The following ZNF383 variants were observed in gnomAD, a reference collection of about 807,000 sequenced individuals.
ZNF383 encodes zinc finger protein 383.
A neutral mutation model predicts 44.2 loss-of-function variants in ZNF383; 32 were observed. The observed-to-expected ratio is 0.72, with a 90% CI of 0.55 to 0.97. The LOEUF (loss-of-function observed/expected upper bound fraction) is 0.97. Among genes scored for constraint, ZNF383 ranks in the 50% least tolerant of loss-of-function variants. The pLI, the probability that ZNF383 is intolerant of heterozygous loss-of-function variation, is 0.00. For missense variants in ZNF383, 487 were observed against 562.5 expected (o/e 0.87, Z 1.36); for synonymous variants, 155 against 186.2 (o/e 0.83, Z 1.36).
chr19:37,246,193 C>T lies in ZNF383; in HGVS notation c.*2529C>T, dbSNP rs1165958053. On this transcript the variant is annotated 3_prime_UTR_variant, in exon 6 of 6. Transcript: ENST00000684119. ...CAATGAATTAATAAATGCAAAGTAC[C>T]TCAAACTGTTATCACATAATACAGG... 6.6e-6 allele frequency: 1 copy of T among 152,194 alleles called. No homozygotes were observed. Among genetic ancestry groups the T allele is most frequent in the African/African-American group, 2.4e-5 (1 of 41,438 alleles). The allele number at this position is 152,194 out of a possible 1,614,324, so 9.4% of individuals were successfully genotyped here. A position where few individuals can be genotyped will look rare whatever the true frequency, so the allele number is the denominator to read the frequency against.
At chr19:37,232,073 G>GT (rs1555782918) in intron 3 of ZNF383, among the ~76,000 whole-genome samples, 23 of 150,538 alleles carry the variant, frequency 1.5e-4, no homozygotes, top group Non-Finnish European at 3.0e-4. Context: ...CCTCAAAAAG[G>GT]TTTTTTTGTT....
intron 5 of ZNF383, among the ~76,000 whole-genome samples, chr19:37,240,333 T>C (rs1974024152): frequency 6.6e-6 from 1 of 152,162 alleles, no homozygotes; most frequent in African/African-American, 2.4e-5. Flanking sequence ...TCATAATACC[T>C]GAACACTTTA....
intron 2 of ZNF383, among the ~76,000 whole-genome samples, chr19:37,225,988 A>G (rs1973148749): frequency 1.4e-5 from 2 of 147,832 alleles, no homozygotes; most frequent in South Asian, 4.3e-4. Context: ...TTTAGTAGAG[A>G]CGGGGTTTCA....
chr19:37,234,095 C>G (rs973201157), intron 3 of ZNF383, among the ~76,000 whole-genome samples: 1 of 152,124 alleles, frequency 6.6e-6, no homozygotes, highest in Non-Finnish European at 1.5e-5. Flanking sequence ...AACTCCTGAC[C>G]TCAGATGATC....
intron 3 of ZNF383, among the ~76,000 whole-genome samples, chr19:37,235,038 T>G (rs1973711870): frequency 6.6e-6 from 1 of 152,116 alleles, no homozygotes; most frequent in Non-Finnish European, 1.5e-5. Flanking sequence ...TTTGAGAGGC[T>G]GAGGCGGGCA....
At chr19:37,228,291 T>G (rs1312664352) in intron 2 of ZNF383, among the ~76,000 whole-genome samples, 2 of 152,144 alleles carry the variant, frequency 1.3e-5, no homozygotes, top group Non-Finnish European at 2.9e-5. Flanking sequence ...TCGTGTCCCT[T>G]TAGTTTTTAT....
intron 2 of ZNF383, chr19:37,227,689 A>T (rs1235517191): frequency 2.0e-5 from 3 of 152,384 alleles, no homozygotes; most frequent in Non-Finnish European, 2.9e-5. Context: ...GCTGTTATTT[A>T]TTGTGTATAA....
intron 3 of ZNF383, among the ~76,000 whole-genome samples, chr19:37,231,223 T>C (rs1180634388): frequency 6.6e-6 from 1 of 152,166 alleles, no homozygotes; most frequent in African/African-American, 2.4e-5. Flanking sequence ...GAAAAATAAT[T>C]ATTAAAGAAT....
In ZNF383 at chr19:37,243,543, A is replaced by G. The variant is rs139618875; in HGVS notation, c.1307A>G (p.Asn436Ser). The G allele has an allele frequency of 1.2e-5, 20 of 1,613,814 alleles. No individual in the cohort carries two copies. The highest frequency in any genetic ancestry group is 1.4e-5 in the Non-Finnish European group (17 of 1,179,974). The change falls in exon 6 of 6, where the codon AAC becomes AGC. Residue 436 changes from asparagine to serine, a missense_variant. By Grantham distance (46) the Asn-to-Ser change is conservative. Coordinates refer to ENST00000684119, the MANE Select transcript of ZNF383 (RefSeq NM_001387601.1). Reference sequence around the variant, plus strand: ...GGAAAGGCCTTTAATAAATGCTCAAACCTTACTCGACATCTGAGAATTCAC... The same window carrying G: ...GGAAAGGCCTTTAATAAATGCTCAAGCCTTACTCGACATCTGAGAATTCAC... ...ECGKAFNKCS[N>S]LTRHLRIHTG...
At chr19:37,222,819 T>A (rs1313049864) in intron 1 of ZNF383, among the ~76,000 whole-genome samples, 1 of 152,210 alleles carries the variant, frequency 6.6e-6, no homozygotes, top group Non-Finnish European at 1.5e-5. Context: ...TGGGTGTATT[T>A]CTAGGAGTGA....
chr19:37,233,070 C>G (rs148918419), intron 3 of ZNF383, among the ~76,000 whole-genome samples: 2 of 152,064 alleles, frequency 1.3e-5, no homozygotes, highest in African/African-American at 2.4e-5. Flanking sequence ...ACAGTCCCCT[C>G]TTACAGCATT....
intron 1 of ZNF383, among the ~76,000 whole-genome samples, chr19:37,223,745 G>T (rs760266732): frequency 2.0e-5 from 3 of 151,970 alleles, no homozygotes; most frequent in Non-Finnish European, 4.4e-5. Flanking sequence ...AGAAAAAAAT[G>T]AATGTTGGCC....
chr19:37,229,750 GTA>G (rs751988395), intron 2 of ZNF383, among the ~76,000 whole-genome samples: 182 of 139,062 alleles, frequency 1.3e-3, no homozygotes, highest in East Asian at 2.7e-3. Flanking sequence ...GTGTATATAT[GTA>G]TATATGTGTG....
intron 5 of ZNF383, 51 bp downstream of exon 5, chr19:37,236,125 G>A (rs1285080959): frequency 2.7e-6 from 4 of 1,458,272 alleles, no homozygotes; most frequent in Non-Finnish European, 2.8e-6. Flanking sequence ...TCAGAACTCA[G>A]CTGGTCAGGG....
chr19:37,221,338 T>G (rs1972908266), intron 1 of ZNF383, among the ~76,000 whole-genome samples: 1 of 152,114 alleles, frequency 6.6e-6, no homozygotes, highest in South Asian at 2.1e-4. Flanking sequence ...ATCCCAGCAC[T>G]TTGGGAGGCC....
chr19:37,237,930 A>G (rs1973897741), intron 5 of ZNF383, among the ~76,000 whole-genome samples: 1 of 150,510 alleles, frequency 6.6e-6, no homozygotes, highest in African/African-American at 2.4e-5. Context: ...CGGCACAATC[A>G]TGGCTCACCA....
chr19:37,236,169 G>A, intron 5 of ZNF383, 95 bp downstream of exon 5: 1 of 882,458 alleles, frequency 1.1e-6, no homozygotes, highest in South Asian at 1.9e-5. Flanking sequence ...TATCCCTGAA[G>A]CTCCCATCAA....
chr19:37,244,489 T>C lies in ZNF383; in HGVS notation c.*825T>C, dbSNP rs1175457948. The C allele has an allele frequency of 6.6e-6, 1 of 152,272 alleles. No homozygotes were observed. Among genetic ancestry groups the C allele is most frequent in the Non-Finnish European group, 1.5e-5 (1 of 68,094 alleles). 9.4% of individuals were successfully genotyped at this position (152,272 alleles called of 1,614,324 possible). A position where few individuals can be genotyped will look rare whatever the true frequency, so the allele number is the denominator to read the frequency against. ...GCCTCCCAGGTTCAAGTGGTTCTTCTGCCTCAGCCTTTTGAGTAGTTGGGA... is the reference window on the plus strand; with the variant it reads ...GCCTCCCAGGTTCAAGTGGTTCTTCCGCCTCAGCCTTTTGAGTAGTTGGGA... On this transcript the variant is annotated 3_prime_UTR_variant, in exon 6 of 6. Transcript: ENST00000684119.
At chr19:37,236,680 C>G (rs1005853847) in intron 5 of ZNF383, among the ~76,000 whole-genome samples, 5 of 151,558 alleles carry the variant, frequency 3.3e-5, no homozygotes, top group African/African-American at 1.2e-4. Flanking sequence ...GGCGATTCTT[C>G]TGCCTCAGCC....
Sources: gnomAD v4.1 joint callset for allele counts (sites outside exome capture counted in the v4.1 genomes callset) on GRCh38, gnomAD v4.1.1 for gene constraint, MANE v1.5 for transcripts, NCBI Gene and HGNC (gene_info 2026-07-23, HGNC 2026-07-21) for gene names.